The following BDP1 variants were observed in gnomAD, a reference collection of about 807,000 sequenced individuals.
BDP1 encodes the protein transcription factor TFIIIB component B'' homolog.
In BDP1, 169 loss-of-function variants were observed where a neutral mutation model predicts 266.6. That is an observed-to-expected ratio of 0.63 (90% CI 0.56 to 0.72). The LOEUF is 0.72. BDP1 is among the 30% of genes least tolerant of loss of function. The probability of loss-of-function intolerance (pLI) is 0.00; values close to 1 mark genes in which losing one functional copy is unlikely to be tolerated. For synonymous variants in BDP1, 1,090 were observed against 1,022.4 expected, an observed-to-expected ratio of 1.07 and a Z score of -1.26; for missense variants, 3,015 against 3,053.8, an observed-to-expected ratio of 0.99 and a Z score of 0.30.
intron 35 of BDP1, among the ~76,000 whole-genome samples, chr5:71,554,202 A>AT (rs1221480365): frequency 1.3e-4 from 20 of 152,058 alleles, no homozygotes; most frequent in Admixed American, 1.2e-3. Context: ...GAACTGTTTT[A>AT]TTTTCTCTTG....
At chr5:71,526,295 A>G (rs1765867775) in intron 25 of BDP1, among the ~76,000 whole-genome samples, 1 of 150,836 alleles carries the variant, frequency 6.6e-6, no homozygotes, top group Non-Finnish European at 1.5e-5. Flanking sequence ...TCTGGTTGAT[A>G]GAGAAGCTAG....
chr5:71,481,408 A>AG (rs1432048751), intron 7 of BDP1, among the ~76,000 whole-genome samples: 57 of 149,126 alleles, frequency 3.8e-4, no homozygotes, highest in African/African-American at 1.2e-3. Flanking sequence ...AAAAAAAAAA[A>AG]AAAAAAAGCC....
At chr5:71,555,978 A>G (rs1743191498) in intron 35 of BDP1, among the ~76,000 whole-genome samples, 1 of 150,348 alleles carries the variant, frequency 6.7e-6, no homozygotes, top group South Asian at 2.1e-4. Flanking sequence ...TATAATATTG[A>G]ATCTTCCTAT....
rs369707590 is a variant in BDP1 at position 71,542,087 on chromosome 5, T to C, written c.6252-18T>C. ...AGATCTAACATGATTCATGAATTTC[T>C]CTATCTTCTGTTTTTAGGAATACAA... On this transcript the variant is annotated intron_variant, in intron 29 of 38. Coordinates refer to ENST00000358731, the MANE Select transcript of BDP1 (RefSeq NM_018429.3). The C allele has an allele frequency of 2.3e-5, 36 of 1,587,374 alleles. No homozygotes were observed. The African/African-American group carries it at 4.1e-4, about 18-fold the overall frequency.
downstream of BDP1, among the ~76,000 whole-genome samples, chr5:71,571,554 T>C (rs1744264015): frequency 6.6e-6 from 1 of 152,208 alleles, no homozygotes; most frequent in Non-Finnish European, 1.5e-5. Flanking sequence ...TTCCTCTGTA[T>C]AGTAGTGAGC....
At chr5:71,466,279 C>G (rs1438120920) in intron 5 of BDP1, 58 bp downstream of exon 5, 1 of 1,593,686 alleles carries the variant, frequency 6.3e-7, no homozygotes, top group African/African-American at 1.3e-5. Context: ...CATGCTTTGT[C>G]TAGTGAAAGA....
chr5:71,481,804 A>G (rs1431026695), intron 7 of BDP1, among the ~76,000 whole-genome samples: 1 of 152,158 alleles, frequency 6.6e-6, no homozygotes, highest in Non-Finnish European at 1.5e-5. Context: ...GGCATGAGTT[A>G]TTATTTTCTA....
At chr5:71,542,490 TTCTC>T (rs745780596) in intron 30 of BDP1, among the ~76,000 whole-genome samples, 5 of 152,190 alleles carry the variant, frequency 3.3e-5, no homozygotes, top group Non-Finnish European at 5.9e-5. Flanking sequence ...TGTCCTTTTA[TTCTC>T]TCTCTGTCTC....
chr5:71,524,697 G>A (rs1475045664), intron 25 of BDP1, among the ~76,000 whole-genome samples: 3 of 148,906 alleles, frequency 2.0e-5, no homozygotes, highest in African/African-American at 7.4e-5. Context: ...GATTTGGCAG[G>A]GTCATAGGAC....
Position 71,511,044 on chromosome 5 carries a change from C to T in BDP1, c.3952C>T (p.Pro1318Ser), listed in dbSNP as rs751401488. Residue 1318 changes from proline (P) to serine (S), a missense_variant, in exon 17 of 39, where the codon CCA (proline) becomes TCA (serine). Pro to Ser is a moderately conservative substitution (Grantham distance 74). Transcript: ENST00000358731. ...LKQTGKTDIS[P>S]RENELEETST... ...ACAAACTGGAAAAACAGACATTTCT[C>T]CAAGGGAAAACGAGCTAGAGGAGAC... 1 of 1,614,136 alleles carries T rather than the reference C, an allele frequency of 6.2e-7. No individual in the cohort carries two copies. The highest frequency in any genetic ancestry group is 1.1e-5 in the South Asian group (1 of 91,072).
intron 7 of BDP1, among the ~76,000 whole-genome samples, chr5:71,479,030 TTTTTATTTTA>T (rs1238285786): frequency 4.6e-5 from 7 of 152,174 alleles, no homozygotes; most frequent in Admixed American, 2.6e-4. Context: ...TTTCACCTGG[TTTTTATTTTA>T]TTTTATTTTA....
At chr5:71,574,433 C>T in the BDP1 span, among the ~76,000 whole-genome samples, 3 of 152,200 alleles carry the variant, frequency 2.0e-5, no homozygotes, top group South Asian at 6.2e-4. Context: ...CAGACCACAA[C>T]CCCATTTCAG....
At chr5:71,461,948 T>C (rs1376447533) in intron 3 of BDP1, 22 bp downstream of exon 3, 1 of 1,173,716 alleles carries the variant, frequency 8.5e-7, no homozygotes, top group Non-Finnish European at 1.2e-6. Flanking sequence ...TTATTTCTGC[T>C]TTACTATCTC....
intron 27 of BDP1, 148 bp downstream of exon 27, chr5:71,539,226 A>G (rs1766812653): frequency 8.3e-6 from 5 of 602,506 alleles, no homozygotes; most frequent in Non-Finnish European, 1.2e-5. Context: ...AGAAATGTGG[A>G]TTCTTGGAAT....
rs762842103 is a variant in BDP1, at chr5:71,541,571, T to C, written c.6140T>C (p.Ile2047Thr). Reference sequence around the variant, plus strand: ...TGTCAGGAACTTTCTTCACCTGTCATTACTACATCTCCTGCATCATTTGAA... The same window carrying C: ...TGTCAGGAACTTTCTTCACCTGTCACTACTACATCTCCTGCATCATTTGAA... ...HECQELSSPVITTSPASFEEN... is the reference protein window; with the variant it reads ...HECQELSSPVTTTSPASFEEN... The change falls in exon 29 of 39, where the codon ATT (isoleucine) becomes ACT (threonine). Residue 2047 changes from isoleucine to threonine, a missense_variant. Ile to Thr is a moderately conservative substitution (Grantham distance 89). Coordinates refer to ENST00000358731, the MANE Select transcript of BDP1 (RefSeq NM_018429.3). 2 of 1,612,652 alleles carry C rather than the reference T, an allele frequency of 1.2e-6. No homozygotes were observed. Among genetic ancestry groups the C allele is most frequent in the Admixed American group, 3.3e-5 (2 of 59,982 alleles).
At chr5:71,460,961 G>A (rs1761520001) in intron 2 of BDP1, among the ~76,000 whole-genome samples, 1 of 152,076 alleles carries the variant, frequency 6.6e-6, no homozygotes, top group African/African-American at 2.4e-5. Flanking sequence ...TATACATTGA[G>A]CTTTATTAGT....
chr5:71,469,206 T>C (rs1762090168), intron 6 of BDP1, among the ~76,000 whole-genome samples: 1 of 152,074 alleles, frequency 6.6e-6, no homozygotes, highest in South Asian at 2.1e-4. Context: ...TGGTGCGATC[T>C]TGGCTCACTG....
At chr5:71,522,650 G>A in intron 23 of BDP1, 106 bp from the exon 24 acceptor site, 2 of 1,220,686 alleles carry the variant, frequency 1.6e-6, no homozygotes, top group South Asian at 3.0e-5. Flanking sequence ...GCAACCAACT[G>A]CTTGTAGATA....
At chr5:71,570,272 C>T (rs1334340727), downstream of BDP1, among the ~76,000 whole-genome samples, 1 of 152,138 alleles carries the variant, frequency 6.6e-6, no homozygotes, top group Non-Finnish European at 1.5e-5. Context: ...ATTTTTGTTT[C>T]CCCAGTGCAA....
Sources: allele counts gnomAD v4.1 joint callset (sites outside exome capture counted in the v4.1 genomes callset), GRCh38; gene constraint gnomAD v4.1.1; transcripts MANE v1.5; gene names NCBI Gene and HGNC (gene_info 2026-07-23, HGNC 2026-07-21).